The following ANKFN1 variants were observed in gnomAD, a reference collection of about 807,000 sequenced individuals.
The protein encoded by ANKFN1 is ankyrin repeat and fibronectin type III domain containing 1.
ANKFN1 carries 74 observed loss-of-function variants against 108.7 expected under a neutral mutation model. The ratio of observed to expected loss-of-function variants is 0.68; its 90% CI spans 0.56 to 0.83. ANKFN1 has a LOEUF of 0.83. Among genes scored for constraint, ANKFN1 ranks in the 40% least tolerant of loss-of-function variants. The pLI, the probability that ANKFN1 is intolerant of heterozygous loss-of-function variation, is 0.00. For synonymous variants in ANKFN1, 547 were observed against 516.2 expected (o/e 1.06, Z -0.81); for missense variants, 1,505 against 1,382.3 (o/e 1.09, Z -1.41).
chr17:56,511,799 A>G lies in ANKFN1; in HGVS notation c.*530A>G, dbSNP rs758651548. ...GCTTGACCTTGGTTCCCTGTCAGCT[A>G]AACTAGGTCATTCCAAAGTGCAGAA... On this transcript the variant is annotated 3_prime_UTR_variant, in exon 21 of 21. Coordinates refer to ENST00000682825, the MANE Select transcript of ANKFN1 (RefSeq NM_001370326.1). 1 of 154,058 alleles carries G rather than the reference A, an allele frequency of 6.5e-6. No homozygotes were observed. Among genetic ancestry groups the G allele is most frequent in the Non-Finnish European group, 1.4e-5 (1 of 69,488 alleles). 9.5% of individuals were successfully genotyped at this position (154,058 alleles called of 1,614,324 possible).
intron 10 of ANKFN1, among the ~76,000 whole-genome samples, chr17:56,443,293 G>T (rs934836259): frequency 5.3e-5 from 8 of 152,196 alleles, no homozygotes; most frequent in Admixed American, 2.0e-4. Flanking sequence ...AGGAGTCAGA[G>T]AGTTCGAGGC....
At chr17:56,131,719 A>G (rs764238375) in intron 4 of ANKFN1, among the ~76,000 whole-genome samples, 59 of 152,148 alleles carry the variant, frequency 3.9e-4, no homozygotes, top group Non-Finnish European at 7.1e-4. Context: ...ATTATGTGGG[A>G]ATCTCACTAT....
chr17:56,259,296 C>T (rs765323657), intron 3 of ANKFN1, among the ~76,000 whole-genome samples: 14 of 152,300 alleles, frequency 9.2e-5, no homozygotes, highest in Non-Finnish European at 1.6e-4. Flanking sequence ...TGTAATATTG[C>T]TCAAAATTGC....
intron 6 of ANKFN1, among the ~76,000 whole-genome samples, chr17:56,370,639 C>T (rs530545012): frequency 1.3e-5 from 2 of 152,140 alleles, no homozygotes; most frequent in East Asian, 3.8e-4. Flanking sequence ...AGTGCAGTTA[C>T]TGGGTCAATT....
Position 56,160,619 on chromosome 17 carries a change from G to C in ANKFN1, c.-71+7089G>C, listed in dbSNP as rs370862115. 7.7e-4 allele frequency among the ~76,000 whole-genome samples: 117 copies of C among 152,292 alleles called. 7 individuals are homozygous for C. In the Middle Eastern group the frequency reaches 0.014, roughly 18 times the overall value. On this transcript the variant is annotated intron_variant, in intron 1 of 20. Coordinates refer to ENST00000682825, the MANE Select transcript of ANKFN1 (RefSeq NM_001370326.1). The stretch of plus-strand genomic sequence containing the variant: ...AGAGTTCCAGGAAAAAAATGGAACA[G>C]AGCTCTCATGTTTTGTCTTATGGAA...
At chr17:56,472,993 C>T (rs576733188) in intron 15 of ANKFN1, 2 of 152,232 alleles carry the variant, frequency 1.3e-5, no homozygotes, top group African/African-American at 4.8e-5. Context: ...TCCCTTAGGC[C>T]CACAATAGGC....
At chr17:56,234,667 A>G (rs1464989801) in intron 3 of ANKFN1, among the ~76,000 whole-genome samples, 1 of 152,076 alleles carries the variant, frequency 6.6e-6, no homozygotes, top group Non-Finnish European at 1.5e-5. Context: ...CCATGTTCCC[A>G]CAAAAGACAT....
chr17:56,346,175 G>T (rs1329087940), intron 4 of ANKFN1, among the ~76,000 whole-genome samples: 9 of 152,100 alleles, frequency 5.9e-5, no homozygotes, highest in Admixed American at 3.3e-4. Flanking sequence ...TTTTTGTCAG[G>T]TTTGTTGAAG....
At chr17:56,117,847 C>T (rs993036899) in intron 4 of ANKFN1, among the ~76,000 whole-genome samples, 51 of 152,104 alleles carry the variant, frequency 3.4e-4, no homozygotes, top group African/African-American at 1.2e-3. Context: ...TCTTCATCAC[C>T]CCAAAAAGAA....
chr17:56,464,604 G>A (rs2050016141), intron 14 of ANKFN1, among the ~76,000 whole-genome samples: 1 of 152,204 alleles, frequency 6.6e-6, no homozygotes, highest in East Asian at 1.9e-4. Context: ...CAGGGGAGGT[G>A]AAATCTGGGA....
intron 1 of ANKFN1, among the ~76,000 whole-genome samples, chr17:56,197,471 C>T (rs1318158945): frequency 1.3e-5 from 2 of 152,144 alleles, no homozygotes; most frequent in Non-Finnish European, 2.9e-5. Flanking sequence ...ATGGAGGTGT[C>T]CCTAGTGTAT....
chr17:56,383,483 G>A (rs2144828103), intron 8 of ANKFN1, among the ~76,000 whole-genome samples: 1 of 152,186 alleles, frequency 6.6e-6, no homozygotes, highest in African/African-American at 2.4e-5. Context: ...TAAAATCAGA[G>A]CAGAACTGAA....
chr17:56,380,436 G>A lies in ANKFN1; in HGVS notation c.910+5722G>A, dbSNP rs373125895. On this transcript the variant is annotated intron_variant, in intron 8 of 20. Coordinates refer to ENST00000682825, the MANE Select transcript of ANKFN1 (RefSeq NM_001370326.1). ...TAGGGAGTGCCAGACAGTGGGCGCA[G>A]GACAGTGGGTGCAGTGCACCGTGCA... Among the ~76,000 whole-genome samples the A allele has an allele frequency of 5.0e-3, 765 of 152,350 alleles. 3 individuals are homozygous for A. Among genetic ancestry groups the A allele is most frequent in the Admixed American group, 8.3e-3 (127 of 15,302 alleles).
At chr17:56,178,587 C>G (rs910680810) in intron 1 of ANKFN1, among the ~76,000 whole-genome samples, 1 of 151,948 alleles carries the variant, frequency 6.6e-6, no homozygotes, top group Non-Finnish European at 1.5e-5. Flanking sequence ...TTTCCCAAAT[C>G]AGACTCTCTC....
intron 3 of ANKFN1, among the ~76,000 whole-genome samples, chr17:56,254,951 G>A (rs1171387243): frequency 6.6e-6 from 1 of 152,138 alleles, no homozygotes; most frequent in Non-Finnish European, 1.5e-5. Context: ...CCTGCCTCCA[G>A]CCATCAGACC....
At chr17:56,215,268 A>G (rs903525273) in intron 2 of ANKFN1, among the ~76,000 whole-genome samples, 1 of 152,200 alleles carries the variant, frequency 6.6e-6, no homozygotes, top group Admixed American at 6.5e-5. Context: ...TCCAGAATCT[A>G]TCGCTTACCA....
intron 8 of ANKFN1, among the ~76,000 whole-genome samples, chr17:56,391,617 AG>A (rs1461263039): frequency 1.3e-5 from 2 of 152,076 alleles, no homozygotes; most frequent in South Asian, 2.1e-4. Flanking sequence ...TAGTACAGAC[AG>A]GGTTTCACCG....
intron 4 of ANKFN1, among the ~76,000 whole-genome samples, chr17:56,056,425 A>T (rs868293420): frequency 6.6e-5 from 10 of 151,924 alleles, no homozygotes; most frequent in Middle Eastern, 3.2e-3. Context: ...TTCAAATTAT[A>T]CTACAAGGCT....
intron 3 of ANKFN1, among the ~76,000 whole-genome samples, chr17:56,275,627 G>T (rs114473481): frequency 0.03 from 4,637 of 152,150 alleles, 236 homozygotes; most frequent in African/African-American, 0.11. Flanking sequence ...ACTGTTTTGG[G>T]CAAAAAAAGT....
Sources: gnomAD v4.1 joint callset for allele counts (sites outside exome capture counted in the v4.1 genomes callset) on GRCh38, gnomAD v4.1.1 for gene constraint, MANE v1.5 for transcripts, NCBI Gene and HGNC (gene_info 2026-07-23, HGNC 2026-07-21) for gene names.